Variants in MB21D2 observed in about 807,000 individuals in gnomAD.
The protein encoded by MB21D2 is Mab-21 domain containing 2.
MB21D2 carries 9 observed loss-of-function variants against 33.3 expected under a neutral mutation model. The observed-to-expected ratio is 0.27, with a 90% CI of 0.16 to 0.47. MB21D2 has a LOEUF of 0.47. MB21D2 is among the 20% of genes least tolerant of loss of function. The pLI, the probability that MB21D2 is intolerant of heterozygous loss-of-function variation, is 0.99. For synonymous variants in MB21D2, 241 were observed against 236.3 expected, an observed-to-expected ratio of 1.02 and a Z score of -0.18; for missense variants, 540 against 624.6, an observed-to-expected ratio of 0.86 and a Z score of 1.44.
At chr3:192,916,605 C>A (rs997882752) in intron 1 of MB21D2, among the ~76,000 whole-genome samples, 1 of 152,230 alleles carries the variant, frequency 6.6e-6, no homozygotes, top group Non-Finnish European at 1.5e-5. Context: ...GCCACGGATC[C>A]GCTGGCGGAG....
chr3:192,898,544 C>A (rs2133862), intron 1 of MB21D2, among the ~76,000 whole-genome samples: 78,010 of 151,714 alleles, frequency 0.51, 20,165 homozygotes, highest in South Asian at 0.53. Flanking sequence ...CACACACAGC[C>A]ATCTTAGTGC....
Position 192,879,913 on chromosome 3 carries a change from G to C in MB21D2, c.211+37717C>G, listed in dbSNP as rs528817831. On this transcript the variant is annotated intron_variant, in intron 1 of 1. Transcript: ENST00000392452. ...ACCTCTGACAAGGAGTAGACAAGGAGAGGATGAGCTCACTCTGAGAAGAGG... is the reference window on the plus strand; with the variant it reads ...ACCTCTGACAAGGAGTAGACAAGGACAGGATGAGCTCACTCTGAGAAGAGG... Among the ~76,000 whole-genome samples the C allele has an allele frequency of 4.6e-5, 7 of 152,218 alleles. No individual in the cohort carries two copies. In the South Asian group the frequency reaches 1.0e-3, roughly 23 times the overall value.
intron 1 of MB21D2, among the ~76,000 whole-genome samples, chr3:192,830,632 T>C (rs1158109395): frequency 6.6e-6 from 1 of 152,160 alleles, no homozygotes; most frequent in Non-Finnish European, 1.5e-5. Flanking sequence ...CAAGTACATC[T>C]TGAGAAGGAG....
intron 1 of MB21D2, among the ~76,000 whole-genome samples, chr3:192,888,487 C>T (rs1713781485): frequency 6.6e-6 from 1 of 152,060 alleles, no homozygotes; most frequent in African/African-American, 2.4e-5. Flanking sequence ...AATTTCTACC[C>T]ATAGAAAATC....
At chr3:192,851,290 G>T (rs1318636168) in intron 1 of MB21D2, among the ~76,000 whole-genome samples, 2 of 152,056 alleles carry the variant, frequency 1.3e-5, no homozygotes, top group African/African-American at 2.4e-5. Flanking sequence ...TATATGAAAT[G>T]TCCAGAATAG....
At position 192,808,415 on chromosome 3, in the gene MB21D2, G is replaced by A. The variant is rs139132819; in HGVS notation, c.212-8765C>T. On this transcript the variant is annotated intron_variant, in intron 1 of 1. Coordinates refer to ENST00000392452, the MANE Select transcript of MB21D2 (RefSeq NM_178496.4). ...TGGAAAATTCAAAAAGGCTATGAGA[G>A]CCATCTTCAAATATCTGATAAGCTG... Among the ~76,000 whole-genome samples, 562 of 152,322 alleles carry A rather than the reference G, an allele frequency of 3.7e-3. 4 individuals are homozygous for A. Among genetic ancestry groups the A allele is most frequent in the African/African-American group, 0.013 (542 of 41,568 alleles).
chr3:192,883,064 C>G (rs1417619587), intron 1 of MB21D2, among the ~76,000 whole-genome samples: 1 of 151,454 alleles, frequency 6.6e-6, no homozygotes, highest in Non-Finnish European at 1.5e-5. Context: ...GATGGGGTTT[C>G]ACCATGTAGG....
At chr3:192,857,887 G>A (rs1424922060) in intron 1 of MB21D2, among the ~76,000 whole-genome samples, 1 of 152,170 alleles carries the variant, frequency 6.6e-6, no homozygotes, top group Admixed American at 6.5e-5. Flanking sequence ...CACTTTGAGA[G>A]GCTGAGGAGG....
intron 1 of MB21D2, among the ~76,000 whole-genome samples, chr3:192,865,783 T>G (rs1713154606): frequency 6.6e-6 from 1 of 152,086 alleles, no homozygotes; most frequent in Non-Finnish European, 1.5e-5. Context: ...TGCTGATCCC[T>G]GCCTGTAATC....
At chr3:192,865,803 T>C (rs1328333966) in intron 1 of MB21D2, among the ~76,000 whole-genome samples, 1 of 152,118 alleles carries the variant, frequency 6.6e-6, no homozygotes, top group Non-Finnish European at 1.5e-5. Context: ...CTCAGCACTT[T>C]GGGAGGTGAA....
chr3:192,815,940 G>A (rs905864156), intron 1 of MB21D2, among the ~76,000 whole-genome samples: 5 of 152,150 alleles, frequency 3.3e-5, no homozygotes, highest in Admixed American at 1.3e-4. Flanking sequence ...CTTGGCTTGG[G>A]AGCACATATA....
chr3:192,892,746 G>C (rs1265411864), intron 1 of MB21D2, among the ~76,000 whole-genome samples: 2 of 152,046 alleles, frequency 1.3e-5, no homozygotes, highest in Non-Finnish European at 2.9e-5. Flanking sequence ...CCCGGCCATA[G>C]TCATTGCTTA....
intron 1 of MB21D2, among the ~76,000 whole-genome samples, chr3:192,904,519 C>T (rs1714166537): frequency 6.6e-6 from 1 of 152,226 alleles, no homozygotes; most frequent in Non-Finnish European, 1.5e-5. Flanking sequence ...CGGCCCCGGG[C>T]CCTTGGCTGC....
intron 1 of MB21D2, among the ~76,000 whole-genome samples, chr3:192,861,091 C>A (rs1432122419): frequency 1.3e-5 from 2 of 152,212 alleles, no homozygotes; most frequent in Non-Finnish European, 1.5e-5. Flanking sequence ...TTGGCTAAAA[C>A]TAAATGGGAA....
intron 1 of MB21D2, among the ~76,000 whole-genome samples, chr3:192,809,095 TC>T (rs1711730358): frequency 6.6e-6 from 1 of 151,930 alleles, no homozygotes; most frequent in Non-Finnish European, 1.5e-5. Context: ...GGCAATAGTG[TC>T]CCCCTTCCCT....
chr3:192,893,967 T>TA (rs1713911067), intron 1 of MB21D2, among the ~76,000 whole-genome samples: 1 of 152,074 alleles, frequency 6.6e-6, no homozygotes, highest in Non-Finnish European at 1.5e-5. Flanking sequence ...GCCCAGGAGT[T>TA]AGAGGCTGCC....
At chr3:192,876,593 G>T (rs1184753116) in intron 1 of MB21D2, among the ~76,000 whole-genome samples, 1 of 152,162 alleles carries the variant, frequency 6.6e-6, no homozygotes, top group Admixed American at 6.5e-5. Flanking sequence ...TGCAATAGAT[G>T]TTGCCCTTAG....
Position 192,799,523 on chromosome 3 carries a change from G to C in MB21D2, c.339C>G (p.Asp113Glu). 6.2e-7 allele frequency: 1 copy of C among 1,614,210 alleles called. No individual in the cohort carries two copies. Among genetic ancestry groups the C allele is most frequent in the South Asian group, 1.1e-5 (1 of 91,080 alleles). The change falls in exon 2 of 2, where the codon GAC (aspartate) becomes GAG (glutamate). Residue 113 changes from aspartate (D) to glutamate (E), a missense_variant. Asp to Glu is a conservative substitution (Grantham distance 45). Transcript: ENST00000392452. This position sits in a 1 kb window ranked among gnomAD's most constrained non-coding sequence, Gnocchi z 4.1. ...CCAAGAGGGTAAAGTCCATATCATA[G>C]TCAGTACCCCGGGCATAGACATTAA... is the stretch of plus-strand genomic sequence containing the variant. ...DELNVYARGT[D>E]YDMDFTLLVP...
chr3:192,840,489 C>T (rs994804060), intron 1 of MB21D2, among the ~76,000 whole-genome samples: 5 of 123,882 alleles, frequency 4.0e-5, no homozygotes, highest in Non-Finnish European at 6.2e-5. Flanking sequence ...ATCCAGAGAG[C>T]GTTATTGGGA....
Sources: gnomAD v4.1 joint callset for allele counts (sites outside exome capture counted in the v4.1 genomes callset) on GRCh38, gnomAD v4.1.1 for gene constraint, Gnocchi (gnomAD v3.1) non-coding constraint, MANE v1.5 for transcripts, NCBI Gene and HGNC (gene_info 2026-07-23, HGNC 2026-07-21) for gene names.